Variants in SORCS3 observed in about 807,000 individuals in gnomAD.
SORCS3 encodes the protein sortilin related VPS10 domain containing receptor 3, also known as VPS10 domain-containing receptor SorCS3.
A neutral mutation model predicts 146.3 loss-of-function variants in SORCS3; 57 were observed. That is an observed-to-expected ratio of 0.39 (90% confidence interval 0.31 to 0.49). The LOEUF is 0.49. SORCS3 is among the 20% of genes least tolerant of loss of function. The pLI, the probability that SORCS3 is intolerant of heterozygous loss-of-function variation, is 0.92. For synonymous variants in SORCS3, 653 were observed against 618.5 expected (o/e 1.06, Z -0.83); for missense variants, 1,341 against 1,575.5 (o/e 0.85, Z 2.52).
chr10:104,890,449 T>C (rs2018738623), intron 2 of SORCS3, among the ~76,000 whole-genome samples: 1 of 152,206 alleles, frequency 6.6e-6, no homozygotes, highest in African/African-American at 2.4e-5. Flanking sequence ...TTCATTTACC[T>C]TTTCCTTGTA....
intron 1 of SORCS3, among the ~76,000 whole-genome samples, chr10:104,780,629 G>A (rs546091087): frequency 9.8e-5 from 15 of 152,372 alleles, no homozygotes; most frequent in Non-Finnish European, 1.8e-4. Context: ...GTGAGCTGCT[G>A]AGGTATGAAA....
chr10:105,068,827 A>G (rs2055538283), intron 5 of SORCS3, among the ~76,000 whole-genome samples: 1 of 152,244 alleles, frequency 6.6e-6, no homozygotes, highest in African/African-American at 2.4e-5. Context: ...CAATGGAATG[A>G]CAACTAATGT....
At chr10:105,080,409 T>C (rs1253618921) in intron 5 of SORCS3, among the ~76,000 whole-genome samples, 7 of 152,118 alleles carry the variant, frequency 4.6e-5, no homozygotes, top group Middle Eastern at 3.2e-3. Context: ...TGTTTTTTTT[T>C]CTTGTAAATT....
chr10:105,048,137 G>T (rs1221361165), intron 5 of SORCS3, among the ~76,000 whole-genome samples: 1 of 151,528 alleles, frequency 6.6e-6, no homozygotes, highest in African/African-American at 2.4e-5. Flanking sequence ...GATTCCTCAG[G>T]GATCTAGAAC....
intron 4 of SORCS3, among the ~76,000 whole-genome samples, chr10:104,986,688 G>A (rs985875023): frequency 6.6e-6 from 1 of 152,154 alleles, no homozygotes; most frequent in Non-Finnish European, 1.5e-5. Flanking sequence ...TTTGAATGTT[G>A]TTATGTCTTA....
chr10:105,155,517 T>G (rs1469229736), intron 9 of SORCS3, among the ~76,000 whole-genome samples: 1 of 152,162 alleles, frequency 6.6e-6, no homozygotes, highest in Non-Finnish European at 1.5e-5. Flanking sequence ...AAGGCCTCCA[T>G]CAGGTAGAAG....
At chr10:104,833,482 A>G (rs957125863) in intron 1 of SORCS3, among the ~76,000 whole-genome samples, 1 of 152,168 alleles carries the variant, frequency 6.6e-6, no homozygotes, top group African/African-American at 2.4e-5. Flanking sequence ...ACACAGGGGT[A>G]ACTGGGGAAG....
chr10:105,013,439 G>A (rs1292858715), intron 4 of SORCS3, among the ~76,000 whole-genome samples: 1 of 152,002 alleles, frequency 6.6e-6, no homozygotes, highest in Non-Finnish European at 1.5e-5. Flanking sequence ...TACATAATAT[G>A]ATTCTCTACA....
At chr10:105,153,892 A>T (rs1387040208) in intron 9 of SORCS3, among the ~76,000 whole-genome samples, 1 of 151,852 alleles carries the variant, frequency 6.6e-6, no homozygotes, top group East Asian at 1.9e-4. Flanking sequence ...AACATGGTGA[A>T]ACCCCATCTC....
chr10:104,714,337 T>A (rs1259870264), intron 1 of SORCS3, among the ~76,000 whole-genome samples: 1 of 152,178 alleles, frequency 6.6e-6, no homozygotes, highest in Non-Finnish European at 1.5e-5. Context: ...TCCTAAGGTG[T>A]AATCTTAGGT....
chr10:104,726,141 T>G (rs2016629385), intron 1 of SORCS3, among the ~76,000 whole-genome samples: 1 of 152,192 alleles, frequency 6.6e-6, no homozygotes, highest in Non-Finnish European at 1.5e-5. Flanking sequence ...TCATAGGTCT[T>G]TAAAGTAAAC....
At chr10:105,011,709 T>C (rs1303916310) in intron 4 of SORCS3, among the ~76,000 whole-genome samples, 2 of 152,068 alleles carry the variant, frequency 1.3e-5, no homozygotes, top group African/African-American at 2.4e-5. Context: ...CTAGATTGCA[T>C]AGTGAGAGAT....
chr10:105,220,525 G>C (rs2056694877), intron 19 of SORCS3, among the ~76,000 whole-genome samples: 1 of 152,174 alleles, frequency 6.6e-6, no homozygotes, highest in South Asian at 2.1e-4. Flanking sequence ...GAAGATCCCA[G>C]GGTTCCCATG....
At chr10:104,732,967 G>A (rs940537194) in intron 1 of SORCS3, among the ~76,000 whole-genome samples, 2 of 152,214 alleles carry the variant, frequency 1.3e-5, no homozygotes, top group African/African-American at 4.8e-5. Context: ...AAGGGGCTGA[G>A]CAAACAGTGG....
chr10:104,799,712 G>A (rs1424371624), intron 1 of SORCS3, among the ~76,000 whole-genome samples: 2 of 151,514 alleles, frequency 1.3e-5, no homozygotes, highest in Admixed American at 6.6e-5. Flanking sequence ...GTCTCGCTCT[G>A]TTGCCCAGGC....
chr10:104,972,490 T>C (rs1429005469), intron 3 of SORCS3, among the ~76,000 whole-genome samples: 2 of 152,040 alleles, frequency 1.3e-5, no homozygotes, highest in Non-Finnish European at 2.9e-5. Context: ...ATTAAATGCA[T>C]AAAACAATTC....
At chr10:105,109,472 G>A (rs1232148774) in intron 7 of SORCS3, among the ~76,000 whole-genome samples, 2 of 152,074 alleles carry the variant, frequency 1.3e-5, no homozygotes, top group Non-Finnish European at 2.9e-5. Flanking sequence ...GTCCCCAGAA[G>A]TCTTTTTCCT....
chr10:105,098,128 C>T (rs1321527327), intron 6 of SORCS3, among the ~76,000 whole-genome samples: 2 of 152,102 alleles, frequency 1.3e-5, no homozygotes, highest in Non-Finnish European at 2.9e-5. Context: ...ATTATTGGCT[C>T]TTTAAAATAT....
intron 1 of SORCS3, among the ~76,000 whole-genome samples, chr10:104,737,434 G>T (rs1207460441): frequency 2.0e-5 from 3 of 152,122 alleles, no homozygotes; most frequent in African/African-American, 4.8e-5. Flanking sequence ...ATCCTCTCCA[G>T]CACCTGTTGT....
Sources: allele counts gnomAD v4.1 joint callset (sites outside exome capture counted in the v4.1 genomes callset), GRCh38; gene constraint gnomAD v4.1.1; transcripts MANE v1.5; gene names NCBI Gene and HGNC (gene_info 2026-07-23, HGNC 2026-07-21).